Variants in CTNNA3 observed in about 807,000 individuals in gnomAD.
CTNNA3 encodes catenin alpha-3.
A neutral mutation model predicts 95.7 loss-of-function variants in CTNNA3; 76 were observed. The ratio of observed to expected loss-of-function variants is 0.79; its 90% CI spans 0.66 to 0.96. The LOEUF is 0.96. Ranked by LOEUF, CTNNA3 falls within the 40% of genes least tolerant of loss-of-function variation. The pLI, the probability that CTNNA3 is intolerant of heterozygous loss-of-function variation, is 0.00. For missense variants in CTNNA3, 1,191 were observed against 1,089.8 expected, an observed-to-expected ratio of 1.09 and a Z score of -1.31; for synonymous variants, 431 against 374.4, an observed-to-expected ratio of 1.15 and a Z score of -1.74.
At chr10:67,320,608 G>A (rs1215914194) in intron 5 of CTNNA3, among the ~76,000 whole-genome samples, 2 of 152,216 alleles carry the variant, frequency 1.3e-5, no homozygotes, top group Non-Finnish European at 2.9e-5. Flanking sequence ...CATATGAGTA[G>A]GTTCTGTTAT....
At chr10:66,106,947 T>C (rs1295444156) in intron 13 of CTNNA3, among the ~76,000 whole-genome samples, 3 of 152,218 alleles carry the variant, frequency 2.0e-5, no homozygotes, top group African/African-American at 7.2e-5. Context: ...GATTATCTAA[T>C]GTCATTGTGC....
chr10:66,816,959 A>C (rs1212221213), intron 7 of CTNNA3, among the ~76,000 whole-genome samples: 3 of 152,090 alleles, frequency 2.0e-5, no homozygotes, highest in Admixed American at 2.0e-4. Context: ...GACATTAGAA[A>C]ATATTTTGAG....
chr10:67,033,728 A>G (rs1194597552), intron 7 of CTNNA3, among the ~76,000 whole-genome samples: 1 of 152,190 alleles, frequency 6.6e-6, no homozygotes, highest in Non-Finnish European at 1.5e-5. Context: ...AAACCCAAGT[A>G]GCCCACTTCT....
rs193005722 is a variant in CTNNA3, at chr10:66,320,138, G to A, written c.1733-39517C>T. On this transcript the variant is annotated intron_variant, in intron 12 of 17. Coordinates refer to ENST00000433211, the MANE Select transcript of CTNNA3 (RefSeq NM_013266.4). ...TCGCACCTGATATATAAGTCTTATC[G>A]ACCATCACTATGACCATTCTTATCA... Among the ~76,000 whole-genome samples the A allele has an allele frequency of 7.2e-4, 109 of 152,078 alleles. 1 individual carries two copies. The highest frequency in any genetic ancestry group is 1.2e-4 in the Non-Finnish European group (8 of 67,938).
intron 5 of CTNNA3, among the ~76,000 whole-genome samples, chr10:67,364,606 T>C (rs191601311): frequency 6.6e-6 from 1 of 152,332 alleles, no homozygotes; most frequent in East Asian, 1.9e-4. Context: ...AGCCAAATCA[T>C]GAGTGAACTC....
intron 2 of CTNNA3, among the ~76,000 whole-genome samples, chr10:67,610,623 G>C (rs1843425576): frequency 2.0e-5 from 3 of 152,176 alleles, no homozygotes; most frequent in Non-Finnish European, 4.4e-5. Context: ...GGATAGGAGG[G>C]CGCTATTTGA....
intron 12 of CTNNA3, among the ~76,000 whole-genome samples, chr10:66,307,408 C>A (rs1376820912): frequency 1.3e-5 from 2 of 152,144 alleles, no homozygotes; most frequent in African/African-American, 4.8e-5. Context: ...AAAAATTAGA[C>A]TTGTTCCACA....
At chr10:67,529,040 A>G (rs1323202674) in intron 4 of CTNNA3, among the ~76,000 whole-genome samples, 1 of 152,196 alleles carries the variant, frequency 6.6e-6, no homozygotes, top group Non-Finnish European at 1.5e-5. Flanking sequence ...CCAAAAATTG[A>G]TAAGTATAAA....
intron 10 of CTNNA3, among the ~76,000 whole-genome samples, chr10:66,608,687 G>A (rs1844219018): frequency 6.6e-6 from 1 of 152,134 alleles, no homozygotes; most frequent in Non-Finnish European, 1.5e-5. Context: ...CAAGCAATGG[G>A]AAAGGATTCC....
chr10:67,408,882 C>CAAAAAAA (rs766212790), intron 5 of CTNNA3, among the ~76,000 whole-genome samples: 1 of 97,204 alleles, frequency 1.0e-5, no homozygotes, highest in Non-Finnish European at 1.9e-5. Flanking sequence ...CTTAAATTTA[C>CAAAAAAA]AAAAAAAAAA....
intron 10 of CTNNA3, among the ~76,000 whole-genome samples, chr10:66,605,131 A>G (rs2605499): frequency 0.63 from 95,467 of 151,994 alleles, 30,531 homozygotes; most frequent in East Asian, 0.91. Flanking sequence ...TGATAGAGCT[A>G]AAAAACACAC....
At chr10:66,603,246 G>A (rs2132263736) in intron 10 of CTNNA3, among the ~76,000 whole-genome samples, 1 of 152,114 alleles carries the variant, frequency 6.6e-6, no homozygotes, top group South Asian at 2.1e-4. Flanking sequence ...CAAAGCTTCA[G>A]GATACAAAAC....
chr10:67,282,349 G>C (rs1839433473), intron 5 of CTNNA3, among the ~76,000 whole-genome samples: 1 of 152,128 alleles, frequency 6.6e-6, no homozygotes, highest in Non-Finnish European at 1.5e-5. Context: ...CATGATGAAT[G>C]TTTTCCTGTA....
intron 16 of CTNNA3, among the ~76,000 whole-genome samples, chr10:65,970,738 A>C (rs1346386033): frequency 6.8e-6 from 1 of 147,590 alleles, no homozygotes; most frequent in African/African-American, 2.4e-5. Flanking sequence ...TATAATAGAT[A>C]AAAAAGACTT....
chr10:66,802,918 T>C (rs535482458), intron 7 of CTNNA3, among the ~76,000 whole-genome samples: 6 of 151,980 alleles, frequency 3.9e-5, no homozygotes, highest in African/African-American at 7.2e-5. Context: ...CTGATTTATG[T>C]TCAAAGAAAT....
chr10:66,183,677 T>G (rs183681871), intron 13 of CTNNA3, among the ~76,000 whole-genome samples: 2 of 152,334 alleles, frequency 1.3e-5, no homozygotes, highest in Admixed American at 1.3e-4. Flanking sequence ...TTTTCGAGAG[T>G]TTTTACCTAA....
At chr10:66,081,638 C>G (rs1447803354) in intron 14 of CTNNA3, among the ~76,000 whole-genome samples, 1 of 152,078 alleles carries the variant, frequency 6.6e-6, no homozygotes, top group Non-Finnish European at 1.5e-5. Flanking sequence ...GAATGAATAA[C>G]TAAATGTGGG....
intron 9 of CTNNA3, among the ~76,000 whole-genome samples, chr10:66,642,279 A>ACACACACACAC (rs1554828894): frequency 1.1e-3 from 65 of 61,418 alleles, no homozygotes; most frequent in South Asian, 5.0e-3. Flanking sequence ...CACACACACA[A>ACACACACACAC]ACACACACAC....
chr10:66,292,242 T>A (rs1310121848), intron 12 of CTNNA3, among the ~76,000 whole-genome samples: 1 of 152,114 alleles, frequency 6.6e-6, no homozygotes, highest in Non-Finnish European at 1.5e-5. Flanking sequence ...TCCTGCTGAT[T>A]CGGCCTCTCA....
Sources: gnomAD v4.1 joint callset for allele counts (sites outside exome capture counted in the v4.1 genomes callset) on GRCh38, gnomAD v4.1.1 for gene constraint, MANE v1.5 for transcripts, NCBI Gene and HGNC (gene_info 2026-07-23, HGNC 2026-07-21) for gene names.